The following STK32B variants were observed in gnomAD, a reference collection of about 807,000 sequenced individuals.
STK32B encodes serine/threonine-protein kinase 32B.
A neutral mutation model predicts 52.6 loss-of-function variants in STK32B; 43 were observed. That is an observed-to-expected ratio of 0.82 (90% confidence interval 0.64 to 1.05). The LOEUF is 1.05. Ranked by LOEUF, STK32B falls within the 50% of genes least tolerant of loss-of-function variation. The pLI, the probability that STK32B is intolerant of heterozygous loss-of-function variation, is 0.00. For synonymous variants in STK32B, 238 were observed against 204.3 expected (o/e 1.17, Z -1.41); for missense variants, 621 against 534.6 (o/e 1.16, Z -1.59).
chr4:5,189,015 A>C (rs923114173), intron 3 of STK32B, among the ~76,000 whole-genome samples: 1 of 127,780 alleles, frequency 7.8e-6, no homozygotes, highest in Admixed American at 1.0e-4. Flanking sequence ...GGTATAATTT[A>C]AAAAAAAAAA....
chr4:5,367,620 A>G (rs545006011), intron 4 of STK32B, among the ~76,000 whole-genome samples: 3 of 152,208 alleles, frequency 2.0e-5, no homozygotes, highest in Admixed American at 6.5e-5. Context: ...AGCCACCCAT[A>G]GGGCTGCTAA....
At chr4:5,227,798 T>C (rs917370927) in intron 3 of STK32B, among the ~76,000 whole-genome samples, 2 of 152,218 alleles carry the variant, frequency 1.3e-5, no homozygotes, top group African/African-American at 4.8e-5. Context: ...TCAGTAATTT[T>C]TTATCCTGAT....
chr4:5,033,692 C>T, the STK32B span, among the ~76,000 whole-genome samples: 2 of 152,230 alleles, frequency 1.3e-5, no homozygotes, highest in African/African-American at 4.8e-5. Context: ...AGCACTGCAG[C>T]TGCTACTTCC....
At chr4:5,131,152 A>G (rs1165727235) in intron 1 of STK32B, among the ~76,000 whole-genome samples, 16 of 152,296 alleles carry the variant, frequency 1.1e-4, no homozygotes, top group Non-Finnish European at 5.9e-5. Flanking sequence ...TTTGAGGAGA[A>G]CAGACCTAAA....
intron 3 of STK32B, among the ~76,000 whole-genome samples, chr4:5,182,581 C>T (rs1379555304): frequency 6.6e-6 from 1 of 152,072 alleles, no homozygotes; most frequent in African/African-American, 2.4e-5. Context: ...CCTGCCTCAG[C>T]CTCCTGAGTA....
intron 6 of STK32B, among the ~76,000 whole-genome samples, chr4:5,444,468 T>G (rs71597771): frequency 0.14 from 21,104 of 151,954 alleles, 1,652 homozygotes; most frequent in South Asian, 0.28. Flanking sequence ...GCTCGCGCAC[T>G]GTGCGCACAC....
chr4:5,237,556 T>C (rs956446161), intron 3 of STK32B, among the ~76,000 whole-genome samples: 10 of 152,084 alleles, frequency 6.6e-5, no homozygotes, highest in African/African-American at 2.4e-4. Context: ...TGAGTCTTGA[T>C]CAGAAATATG....
At position 5,390,964 on chromosome 4, in the gene STK32B, C is replaced by CTTTT. The variant is rs71638602; in HGVS notation, c.435-7227_435-7224dup. On this transcript the variant is annotated intron_variant, in intron 4 of 11. Coordinates refer to ENST00000282908, the MANE Select transcript of STK32B (RefSeq NM_018401.3). The stretch of plus-strand genomic sequence containing the variant: ...GTGTCTACCTGTGTCTCTTTTCTAT[C>CTTTT]TTTTTTTTTTTTTTTTTTTGAGACG... 6.3e-3 allele frequency among the ~76,000 whole-genome samples: 779 copies of CTTTT among 124,000 alleles called. 21 individuals are homozygous for CTTTT. The highest frequency in any genetic ancestry group is 0.062 in the East Asian group (259 of 4,198). The allele number at this position is 124,000 out of a possible 152,430, so 81.3% of individuals were successfully genotyped here.
chr4:5,160,134 G>A (rs1300398056), intron 2 of STK32B, among the ~76,000 whole-genome samples: 2 of 152,148 alleles, frequency 1.3e-5, no homozygotes, highest in Admixed American at 1.3e-4. Context: ...GCACCATGGT[G>A]CAGCCCAGTT....
At chr4:5,051,372 G>C (rs954409324), upstream of STK32B, 3 of 158,498 alleles carry the variant, frequency 1.9e-5, no homozygotes, top group African/African-American at 5.0e-5. Context: ...CGAGGGAGGA[G>C]GGCCGAGCAG....
At chr4:5,322,329 C>T (rs1731560027) in intron 3 of STK32B, among the ~76,000 whole-genome samples, 1 of 152,122 alleles carries the variant, frequency 6.6e-6, no homozygotes, top group Non-Finnish European at 1.5e-5. Flanking sequence ...TTCTTAGCTC[C>T]TCTCTTGCTG....
At chr4:5,402,433 A>T (rs1407202330) in intron 5 of STK32B, among the ~76,000 whole-genome samples, 2 of 152,230 alleles carry the variant, frequency 1.3e-5, no homozygotes, top group Non-Finnish European at 2.9e-5. Context: ...CTTAAGTGCC[A>T]CTGAGGGCCC....
Position 5,248,414 on chromosome 4 carries a change from T to C in STK32B, c.260+79964T>C, listed in dbSNP as rs142920582. On this transcript the variant is annotated intron_variant, in intron 3 of 11. Transcript: ENST00000282908. ...ACATAATGTGCCCTGATGTGTCTTATGGTAGATGTTCATTATTTTGCTAAG... is the reference window on the plus strand; with the variant it reads ...ACATAATGTGCCCTGATGTGTCTTACGGTAGATGTTCATTATTTTGCTAAG... 9.8e-4 allele frequency among the ~76,000 whole-genome samples: 149 copies of C among 152,344 alleles called. 1 individual carries two copies. Among genetic ancestry groups the C allele is most frequent in the African/African-American group, 3.4e-3 (140 of 41,586 alleles).
intron 3 of STK32B, among the ~76,000 whole-genome samples, chr4:5,258,883 C>T (rs978825379): frequency 6.6e-6 from 1 of 152,212 alleles, no homozygotes; most frequent in African/African-American, 2.4e-5. Context: ...GGAGGTAAAG[C>T]TGAATTTCCA....
chr4:5,303,523 T>C (rs539112756), intron 3 of STK32B, among the ~76,000 whole-genome samples: 1 of 152,230 alleles, frequency 6.6e-6, no homozygotes, highest in Non-Finnish European at 1.5e-5. Flanking sequence ...CACTTTTTGG[T>C]GGGATTGTTT....
intron 3 of STK32B, among the ~76,000 whole-genome samples, chr4:5,283,688 A>G (rs1171876359): frequency 6.6e-6 from 1 of 152,196 alleles, no homozygotes; most frequent in African/African-American, 2.4e-5. Flanking sequence ...GGGATGATAT[A>G]TTCAACGTGC....
At chr4:5,279,985 G>C (rs1271208651) in intron 3 of STK32B, among the ~76,000 whole-genome samples, 1 of 152,184 alleles carries the variant, frequency 6.6e-6, no homozygotes, top group Non-Finnish European at 1.5e-5. Context: ...GATGGAAGGG[G>C]CTGCTGTGAA....
intron 2 of STK32B, among the ~76,000 whole-genome samples, chr4:5,155,727 C>T (rs1577115001): frequency 6.6e-6 from 1 of 152,108 alleles, no homozygotes; most frequent in Non-Finnish European, 1.5e-5. Flanking sequence ...TCTCCTCCTG[C>T]CTTGTGAAGA....
intron 5 of STK32B, among the ~76,000 whole-genome samples, chr4:5,403,731 G>A (rs1737467797): frequency 6.6e-6 from 1 of 152,118 alleles, no homozygotes; most frequent in Non-Finnish European, 1.5e-5. Context: ...AGCATTGTAT[G>A]TGCTACCCCC....
Sources: allele counts gnomAD v4.1 joint callset (sites outside exome capture counted in the v4.1 genomes callset), GRCh38; gene constraint gnomAD v4.1.1; transcripts MANE v1.5; gene names NCBI Gene and HGNC (gene_info 2026-07-23, HGNC 2026-07-21).